Variants in EML6 observed in about 807,000 individuals in gnomAD.
EML6 encodes the protein EMAP like 6.
EML6 carries 154 observed loss-of-function variants against 240.1 expected under a neutral mutation model. That is an observed-to-expected ratio of 0.64 (90% CI 0.56 to 0.73). EML6 has a LOEUF of 0.73. EML6 is among the 30% of genes least tolerant of loss of function. The probability of loss-of-function intolerance (pLI) is 0.00; values close to 1 mark genes in which losing one functional copy is unlikely to be tolerated. For missense variants in EML6, 2,964 were observed against 2,474.6 expected (o/e 1.20, Z -4.20); for synonymous variants, 1,148 against 899.0 (o/e 1.28, Z -4.95).
At chr2:54,829,555 T>C (rs1668761074) in intron 7 of EML6, 78 bp downstream of exon 7, 1 of 1,179,358 alleles carries the variant, frequency 8.5e-7, no homozygotes, top group South Asian at 1.8e-5. Context: ...TTTGTTTCTC[T>C]GTACCCCATT....
intron 2 of EML6, among the ~76,000 whole-genome samples, chr2:54,760,352 T>C (rs1381095963): frequency 6.6e-6 from 1 of 152,182 alleles, no homozygotes; most frequent in Non-Finnish European, 1.5e-5. Context: ...CCCAAGAACA[T>C]AACAGAGTAT....
chr2:54,826,893 C>T (rs924200081), intron 5 of EML6, among the ~76,000 whole-genome samples: 7 of 152,064 alleles, frequency 4.6e-5, no homozygotes, highest in African/African-American at 1.7e-4. Flanking sequence ...CTAGATATAG[C>T]CGAGTGCAGT....
At chr2:54,776,985 TG>T (rs926594599) in intron 2 of EML6, among the ~76,000 whole-genome samples, 3 of 152,216 alleles carry the variant, frequency 2.0e-5, no homozygotes, top group African/African-American at 7.2e-5. Context: ...TTTTGTTCAT[TG>T]AGTCTACTTT....
In EML6 at chr2:54,953,999, C is replaced by T. The variant is rs181164271; in HGVS notation, c.4329C>T (p.Ile1443=). The T allele has an allele frequency of 2.2e-4, 340 of 1,551,414 alleles. 1 individual carries two copies. In the East Asian group the frequency reaches 4.0e-3, roughly 18 times the overall value. ...ATSQIGTTPS[I]HIWDAMTKHT... ...CACACTCAGGGACAACACCTTCCAT[C>T]CACATATGGGACGCCATGACCAAAC... The change falls in exon 32 of 42, where the codon ATC becomes ATT. Residue 1443 remains isoleucine, a synonymous_variant. Coordinates refer to ENST00000356458, the MANE Select transcript of EML6 (RefSeq NM_001039753.4).
intron 2 of EML6, among the ~76,000 whole-genome samples, chr2:54,782,588 A>C (rs1191283484): frequency 6.6e-6 from 1 of 151,974 alleles, no homozygotes; most frequent in Non-Finnish European, 1.5e-5. Flanking sequence ...ATGACTTCTC[A>C]GTTTTTTGTA....
chr2:54,894,081 T>A (rs1259806191), intron 19 of EML6, among the ~76,000 whole-genome samples: 1 of 152,092 alleles, frequency 6.6e-6, no homozygotes, highest in African/African-American at 2.4e-5. Context: ...GTACAAATTC[T>A]ATATAAGAAT....
At chr2:54,775,550 C>G (rs1318112188) in intron 2 of EML6, among the ~76,000 whole-genome samples, 1 of 152,214 alleles carries the variant, frequency 6.6e-6, no homozygotes, top group Non-Finnish European at 1.5e-5. Context: ...CTTTATCTCT[C>G]TCACCCTATT....
chr2:54,949,238 C>G (rs1250118780), intron 29 of EML6, among the ~76,000 whole-genome samples: 1 of 152,152 alleles, frequency 6.6e-6, no homozygotes, highest in Non-Finnish European at 1.5e-5. Flanking sequence ...GGCTCCGTTT[C>G]CCTCCACTTG....
intron 28 of EML6, among the ~76,000 whole-genome samples, chr2:54,947,300 A>G (rs1456488364): frequency 6.6e-6 from 1 of 152,186 alleles, no homozygotes; most frequent in Non-Finnish European, 1.5e-5. Context: ...GAGAACTGGC[A>G]TGCCCCCAGT....
intron 25 of EML6, among the ~76,000 whole-genome samples, chr2:54,912,702 T>C (rs1673705610): frequency 2.0e-5 from 3 of 152,368 alleles, no homozygotes; most frequent in South Asian, 4.1e-4. Flanking sequence ...ATATAATGGC[T>C]TCTAGCTACA....
At chr2:54,877,357 T>C (rs189481366) in intron 16 of EML6, among the ~76,000 whole-genome samples, 7 of 152,286 alleles carry the variant, frequency 4.6e-5, no homozygotes, top group African/African-American at 1.7e-4. Context: ...TCTGTCTTTA[T>C]CTTCTTCCTC....
chr2:54,920,554 T>C (rs1243153345), intron 26 of EML6, among the ~76,000 whole-genome samples: 2 of 152,194 alleles, frequency 1.3e-5, no homozygotes. Flanking sequence ...TGTGGCTTCA[T>C]GTGTGATTTC....
In EML6 at chr2:54,957,870, G is replaced by T; in HGVS notation, c.4567G>T (p.Val1523Leu). The T allele has an allele frequency of 1.3e-6, 2 of 1,551,376 alleles. No individual in the cohort carries two copies. The highest frequency in any genetic ancestry group is 1.7e-6 in the Non-Finnish European group (2 of 1,147,000). ...TCGCCCCGACTCAGACACGCAGTTT[G>T]TATCTGTCGGGGTCAAACATATGAA... ...EFRPDSDTQF[V>L]SVGVKHMKFW... The change falls in exon 33 of 42, where the codon GTA becomes TTA. Residue 1523 changes from valine to leucine, a missense_variant. By Grantham distance (32) the Val-to-Leu change is conservative. Coordinates refer to ENST00000356458, the MANE Select transcript of EML6 (RefSeq NM_001039753.4).
At chr2:54,789,389 C>T (rs1669278909) in intron 2 of EML6, among the ~76,000 whole-genome samples, 1 of 151,232 alleles carries the variant, frequency 6.6e-6, no homozygotes, top group Non-Finnish European at 1.5e-5. Context: ...TGGCGGGCGC[C>T]TGTAGTCCCA....
At position 54,959,126 on chromosome 2, in the gene EML6, C is replaced by T. The variant is rs747642013; in HGVS notation, c.4718C>T (p.Ala1573Val). 4.5e-6 allele frequency: 7 copies of T among 1,550,860 alleles called. No individual in the cohort carries two copies. In the South Asian group the frequency reaches 8.3e-5, roughly 18 times the overall value. Residue 1573 changes from alanine (A) to valine (V), a missense_variant, in exon 34 of 42, where the codon GCC (alanine) becomes GTC (valine). Ala to Val is a moderately conservative substitution (Grantham distance 64, BLOSUM62 0). Transcript: ENST00000356458. ...CAGAACAATCTCACTTTCACGGGTG[C>T]CATCAATGGAGATGTCTACGTCTGG... ...FGANNLTFTG[A>V]INGDVYVWKD...
chr2:54,961,194 T>TTTTTTTTTTTTTTTTTTTTTTTTTTTG (rs1676493504), intron 35 of EML6, among the ~76,000 whole-genome samples: 1 of 116,178 alleles, frequency 8.6e-6, no homozygotes, highest in South Asian at 3.0e-4. Context: ...GTTTTTTTTT[T>TTTTTTTTTTTTTTTTTTTTTTTTTTTG]TTTTTTTTTG....
intron 28 of EML6, among the ~76,000 whole-genome samples, chr2:54,937,061 C>A (rs1483157191): frequency 6.6e-6 from 1 of 151,122 alleles, no homozygotes; most frequent in South Asian, 2.1e-4. Context: ...GGGTGGATCA[C>A]CAGAGGTCAG....
intron 2 of EML6, among the ~76,000 whole-genome samples, chr2:54,786,763 C>G (rs568056627): frequency 5.8e-4 from 89 of 152,346 alleles, no homozygotes; most frequent in Middle Eastern, 6.8e-3. Flanking sequence ...TCTGTTAAGA[C>G]AGCTGGTCTC....
rs1673165979 is a variant in EML6 at position 54,903,470 on chromosome 2, G to C, written c.3377G>C (p.Ser1126Thr). The C allele has an allele frequency of 6.4e-7, 1 of 1,552,036 alleles. No individual in the cohort carries two copies. The highest frequency in any genetic ancestry group is 8.7e-7 in the Non-Finnish European group (1 of 1,147,008). ...KRVGICKGAS[S>T]YITHIDWDSR... is the part of the protein sequence containing the mutation. ...GTTGGCATCTGTAAAGGTGCTTCTA[G>C]TTATATTACACACATTGACTGGGAC... Residue 1126 changes from serine to threonine, a missense_variant, in exon 24 of 42, where the codon AGT becomes ACT. Transcript: ENST00000356458.
Sources: gnomAD v4.1 joint callset for allele counts (sites outside exome capture counted in the v4.1 genomes callset) on GRCh38, gnomAD v4.1.1 for gene constraint, MANE v1.5 for transcripts, NCBI Gene and HGNC (gene_info 2026-07-23, HGNC 2026-07-21) for gene names.